Variants in TRPM3 observed in about 807,000 individuals in gnomAD.
TRPM3 encodes long transient receptor potential channel 3.
TRPM3 carries 77 observed loss-of-function variants against 181.2 expected under a neutral mutation model. The observed-to-expected ratio is 0.42, with a 90% confidence interval of 0.35 to 0.51. The LOEUF (loss-of-function observed/expected upper bound fraction) is 0.51. Ranked by LOEUF, TRPM3 falls within the 20% of genes least tolerant of loss-of-function variation. The probability of loss-of-function intolerance (pLI) is 0.01; values close to 1 mark genes in which losing one functional copy is unlikely to be tolerated. For synonymous variants in TRPM3, 745 were observed against 796.4 expected (o/e 0.94, Z 1.09); for missense variants, 1,759 against 2,196.7 (o/e 0.80, Z 3.98).
intron 1 of TRPM3, among the ~76,000 whole-genome samples, chr9:71,274,896 T>A (rs1588236396): frequency 6.6e-6 from 1 of 152,208 alleles, no homozygotes; most frequent in African/African-American, 2.4e-5. Flanking sequence ...TTAAGTGATA[T>A]TAAGGCCTAG....
chr9:70,891,564 T>C (rs1204942689), intron 1 of TRPM3, among the ~76,000 whole-genome samples: 2 of 152,144 alleles, frequency 1.3e-5, no homozygotes, highest in Non-Finnish European at 2.9e-5. Flanking sequence ...CTTTTTAAGC[T>C]CTATCATAAA....
chr9:71,407,753 G>A (rs575734341), intron 1 of TRPM3, among the ~76,000 whole-genome samples: 1 of 152,234 alleles, frequency 6.6e-6, no homozygotes, highest in African/African-American at 2.4e-5. Flanking sequence ...GTTGAGCTCT[G>A]ACTATGGACA....
intron 3 of TRPM3, among the ~76,000 whole-genome samples, chr9:70,853,847 T>C (rs946729836): frequency 1.3e-5 from 2 of 152,244 alleles, no homozygotes; most frequent in Admixed American, 1.3e-4. Context: ...TGGTACTTTT[T>C]TCATGTTTGG....
intron 8 of TRPM3, among the ~76,000 whole-genome samples, chr9:70,696,760 A>G (rs749198505): frequency 2.6e-5 from 4 of 152,158 alleles, no homozygotes; most frequent in Non-Finnish European, 4.4e-5. Context: ...TAACATGATG[A>G]TTATTGTCAT....
chr9:70,790,428 C>T (rs993218242), intron 6 of TRPM3, among the ~76,000 whole-genome samples: 1 of 152,176 alleles, frequency 6.6e-6, no homozygotes, highest in Non-Finnish European at 1.5e-5. Flanking sequence ...CTAGCTAAAG[C>T]ATGTCCCAGT....
chr9:71,317,657 AAAAG>A, intron 1 of TRPM3, among the ~76,000 whole-genome samples: 3 of 136,080 alleles, frequency 2.2e-5, no homozygotes, highest in African/African-American at 7.8e-5. Context: ...AAAAAAAAGA[AAAAG>A]AAAAAATATA....
chr9:71,028,924 T>G, intron 1 of TRPM3, among the ~76,000 whole-genome samples: 1 of 152,230 alleles, frequency 6.6e-6, no homozygotes, highest in East Asian at 1.9e-4. Flanking sequence ...CTAAACCAAA[T>G]AGACCTGATA....
intron 22 of TRPM3, among the ~76,000 whole-genome samples, chr9:70,564,225 T>G (rs1273525436): frequency 6.6e-6 from 1 of 152,202 alleles, no homozygotes; most frequent in Non-Finnish European, 1.5e-5. Context: ...ATAAGTTCTT[T>G]CCTTCTTCAA....
intron 1 of TRPM3, among the ~76,000 whole-genome samples, chr9:71,425,188 T>C (rs555671180): frequency 1.3e-5 from 2 of 152,248 alleles, no homozygotes; most frequent in African/African-American, 4.8e-5. Context: ...ATTTTCTATG[T>C]ACTATCATCC....
intron 1 of TRPM3, among the ~76,000 whole-genome samples, chr9:71,233,091 G>A (rs1335466737): frequency 6.6e-6 from 1 of 152,052 alleles, no homozygotes; most frequent in Non-Finnish European, 1.5e-5. Context: ...GGCAAACCAG[G>A]GTCTTCATTT....
chr9:71,121,485 G>A lies in TRPM3; in HGVS notation c.-131C>T, dbSNP rs1565244345. ...AGCCACCTCCCCTCTCTCTGCAGCC[G>A]TGCTCATGCATACCAAATGTGGCTG... On this transcript the variant is annotated 5_prime_UTR_variant, in exon 1 of 26. The change creates a new upstream start codon in the 5' untranslated region. Transcript: ENST00000677713. 2.1e-6 allele frequency: 3 copies of A among 1,435,710 alleles called. No individual in the cohort carries two copies. The highest frequency in any genetic ancestry group is 2.7e-6 in the Non-Finnish European group (3 of 1,099,598). The allele number at this position is 1,435,710 out of a possible 1,614,324, so 88.9% of individuals were successfully genotyped here. A position where few individuals can be genotyped will look rare whatever the true frequency, so the allele number is the denominator to read the frequency against.
intron 1 of TRPM3, among the ~76,000 whole-genome samples, chr9:71,313,834 T>C (rs1222113228): frequency 2.6e-5 from 4 of 152,096 alleles, no homozygotes; most frequent in African/African-American, 9.7e-5. Context: ...ATTTTTCTGG[T>C]TGTAAATATT....
intron 3 of TRPM3, among the ~76,000 whole-genome samples, chr9:70,851,089 C>CTG (rs2132160755): frequency 6.6e-6 from 1 of 151,912 alleles, no homozygotes; most frequent in Non-Finnish European, 1.5e-5. Context: ...AGATCTGCAC[C>CTG]TATACATTTC....
chr9:70,992,849 A>G (rs1313751848), intron 1 of TRPM3, among the ~76,000 whole-genome samples: 1 of 152,246 alleles, frequency 6.6e-6, no homozygotes, highest in East Asian at 1.9e-4. Context: ...AAGTGCCAAC[A>G]CAACAGTGAT....
chr9:71,207,923 C>G (rs2079225158), intron 1 of TRPM3, among the ~76,000 whole-genome samples: 1 of 152,076 alleles, frequency 6.6e-6, no homozygotes, highest in Non-Finnish European at 1.5e-5. Flanking sequence ...CTGAGCTATT[C>G]TTTGATGAGA....
intron 1 of TRPM3, among the ~76,000 whole-genome samples, chr9:70,920,117 T>C (rs1223466230): frequency 6.6e-6 from 1 of 152,260 alleles, no homozygotes; most frequent in Non-Finnish European, 1.5e-5. Context: ...TTCAGTATTT[T>C]ATGATTACCT....
At chr9:70,845,682 A>G (rs138827334) in intron 4 of TRPM3, among the ~76,000 whole-genome samples, 4 of 152,336 alleles carry the variant, frequency 2.6e-5, no homozygotes, top group Admixed American at 6.5e-5. Flanking sequence ...TACATTTCCA[A>G]TTGGCACCTC....
intron 5 of TRPM3, among the ~76,000 whole-genome samples, chr9:70,829,459 T>G (rs953376563): frequency 6.6e-5 from 10 of 152,194 alleles, no homozygotes; most frequent in African/African-American, 2.2e-4. Flanking sequence ...CTTTCTTTTC[T>G]GAATTGAGGA....
At chr9:71,312,768 T>C (rs561965104) in intron 1 of TRPM3, among the ~76,000 whole-genome samples, 122 of 152,226 alleles carry the variant, frequency 8.0e-4, no homozygotes, top group Middle Eastern at 6.8e-3. Context: ...AAAACTTAAG[T>C]GCATATTATT....
Sources: allele counts gnomAD v4.1 joint callset (sites outside exome capture counted in the v4.1 genomes callset), GRCh38; gene constraint gnomAD v4.1.1; transcripts MANE v1.5; gene names NCBI Gene and HGNC (gene_info 2026-07-23, HGNC 2026-07-21).